The following ESR1 variants were observed in gnomAD, a reference collection of about 807,000 sequenced individuals.
The protein encoded by ESR1 is estrogen receptor.
In ESR1, 12 loss-of-function variants were observed where a neutral mutation model predicts 52.7. The observed-to-expected ratio is 0.23, with a 90% CI of 0.15 to 0.37. The LOEUF (loss-of-function observed/expected upper bound fraction) is 0.37, where lower values mean the gene tolerates loss of function less well. Among genes scored for constraint, ESR1 ranks in the 10% least tolerant of loss-of-function variants. ESR1 has a pLI of 1.00. For missense variants in ESR1, 584 were observed against 779.7 expected (o/e 0.75, Z 2.99); for synonymous variants, 305 against 316.8 (o/e 0.96, Z 0.39).
At position 151,924,187 on chromosome 6, in the gene ESR1, C is replaced by T. The variant is rs960305126; in HGVS notation, c.761-19986C>T. Among the ~76,000 whole-genome samples the T allele has an allele frequency of 3.9e-5, 6 of 152,150 alleles. No individual in the cohort carries two copies. In the East Asian group the frequency reaches 7.8e-4, roughly 20 times the overall value. On this transcript the variant is annotated intron_variant, in intron 3 of 7. Transcript: ENST00000206249. ...GCTCCCAAGTACCTGGGATTACAGG[C>T]GCCTGCCACCATACCCGGCTAATTG... is the stretch of plus-strand genomic sequence containing the variant.
intron 2 of ESR1, among the ~76,000 whole-genome samples, chr6:151,843,264 T>C (rs906140788): frequency 1.3e-5 from 2 of 152,238 alleles, no homozygotes; most frequent in Non-Finnish European, 2.9e-5. Context: ...CCTTTCTCTC[T>C]TCCATCTCTT....
At chr6:151,681,589 TAAAA>T (rs200061676) in intron 1 of ESR1, among the ~76,000 whole-genome samples, 2 of 151,556 alleles carry the variant, frequency 1.3e-5, no homozygotes, top group Admixed American at 6.6e-5. Context: ...AAAGAAAAAA[TAAAA>T]AAAAGCCTCA....
At chr6:151,725,288 A>C (rs1003389691) in intron 2 of ESR1, among the ~76,000 whole-genome samples, 1 of 152,188 alleles carries the variant, frequency 6.6e-6, no homozygotes, top group African/African-American at 2.4e-5. Context: ...TTTGCCAAAC[A>C]TCATTGATGT....
At chr6:152,034,942 T>A (rs934766256) in intron 5 of ESR1, among the ~76,000 whole-genome samples, 1 of 152,240 alleles carries the variant, frequency 6.6e-6, no homozygotes, top group African/African-American at 2.4e-5. Flanking sequence ...GTGATAGATG[T>A]TTGCTAACTA....
chr6:151,889,367 A>G (rs572397041), intron 3 of ESR1, among the ~76,000 whole-genome samples: 3 of 152,110 alleles, frequency 2.0e-5, no homozygotes, highest in East Asian at 1.9e-4. Flanking sequence ...CAGACTTTCT[A>G]TTTCTTCATG....
At chr6:151,857,264 G>T (rs1225774745) in intron 2 of ESR1, among the ~76,000 whole-genome samples, 2 of 152,164 alleles carry the variant, frequency 1.3e-5, no homozygotes, top group East Asian at 1.9e-4. Context: ...TGTTTACAGA[G>T]AATGTACATT....
In ESR1 at chr6:152,061,571, A is replaced by G. The variant is rs1401185191; in HGVS notation, c.1369+447A>G. Among the ~76,000 whole-genome samples, 2 of 152,338 alleles carry G rather than the reference A, an allele frequency of 1.3e-5. No individual in the cohort carries two copies. Among genetic ancestry groups the G allele is most frequent in the East Asian group, 3.9e-4 (2 of 5,192 alleles). On this transcript the variant is annotated intron_variant, in intron 6 of 7. Coordinates refer to ENST00000206249, the MANE Select transcript of ESR1 (RefSeq NM_000125.4). The surrounding 1 kb of genome is among the most constrained non-coding windows in gnomAD (Gnocchi z 4.3). ...TGGTCAAAACTGACTAGCTAAAAAT[A>G]TAGTTGGCTTAGAGATAGAAAAACC...
At chr6:151,910,907 C>T (rs532436052) in intron 3 of ESR1, among the ~76,000 whole-genome samples, 11 of 152,204 alleles carry the variant, frequency 7.2e-5, no homozygotes, top group South Asian at 4.2e-4. Flanking sequence ...TGGATTGCAG[C>T]GGGGATGGTT....
intron 4 of ESR1, among the ~76,000 whole-genome samples, chr6:151,967,458 GT>G (rs1197703281): frequency 6.6e-6 from 1 of 152,128 alleles, no homozygotes; most frequent in South Asian, 2.1e-4. Flanking sequence ...TCCTGAGTTA[GT>G]TTGCTGAGAA....
At chr6:151,808,403 G>T (rs772108808) in intron 1 of ESR1, 39 bp downstream of exon 1, 2 of 345,712 alleles carry the variant, frequency 5.8e-6, no homozygotes, top group Admixed American at 3.9e-5. Context: ...TGGCCGCCGC[G>T]CCCGGCAGGA....
At chr6:152,080,484 A>T (rs1336574886) in intron 6 of ESR1, among the ~76,000 whole-genome samples, 1 of 152,230 alleles carries the variant, frequency 6.6e-6, no homozygotes, top group Non-Finnish European at 1.5e-5. Context: ...GGCCTGCCTT[A>T]GAAGAGCTCC....
intron 2 of ESR1, among the ~76,000 whole-genome samples, chr6:151,844,365 G>T (rs944363264): frequency 6.6e-6 from 1 of 151,980 alleles, no homozygotes; most frequent in African/African-American, 2.4e-5. Flanking sequence ...ATTTAATTTG[G>T]CAGTGAAAGA....
chr6:151,723,955 A>T (rs1781650264), intron 2 of ESR1, among the ~76,000 whole-genome samples: 1 of 152,128 alleles, frequency 6.6e-6, no homozygotes, highest in African/African-American at 2.4e-5. Flanking sequence ...TAAAGGAATG[A>T]AAAAGGCATA....
chr6:152,030,192 AATTG>A (rs912103104), intron 5 of ESR1, among the ~76,000 whole-genome samples: 5 of 152,236 alleles, frequency 3.3e-5, no homozygotes, highest in Non-Finnish European at 7.3e-5. Flanking sequence ...AAAACATGCA[AATTG>A]GAAAGACCAT....
intron 2 of ESR1, among the ~76,000 whole-genome samples, chr6:151,877,143 G>T (rs140648188): frequency 2.6e-5 from 4 of 151,780 alleles, no homozygotes; most frequent in Admixed American, 6.6e-5. Flanking sequence ...TAAGTTTTAG[G>T]GTACATGTGC....
intron 6 of ESR1, among the ~76,000 whole-genome samples, chr6:152,083,604 T>G (rs1019402990): frequency 6.6e-6 from 1 of 152,006 alleles, no homozygotes; most frequent in Non-Finnish European, 1.5e-5. Context: ...AATAGACAAA[T>G]TGGATCTAAT....
intron 1 of ESR1, among the ~76,000 whole-genome samples, chr6:151,684,190 GGAA>G (rs1778567631): frequency 6.6e-6 from 1 of 152,068 alleles, no homozygotes; most frequent in African/African-American, 2.4e-5. Flanking sequence ...TGGGCCATCA[GGAA>G]GGTCTCCATG....
chr6:151,925,251 T>C (rs1038591639), intron 3 of ESR1, among the ~76,000 whole-genome samples: 4 of 152,212 alleles, frequency 2.6e-5, no homozygotes, highest in Non-Finnish European at 5.9e-5. Context: ...CATTTTTTCA[T>C]TTGTTGCCAA....
chr6:152,070,649 A>G (rs907633874), intron 6 of ESR1, among the ~76,000 whole-genome samples: 2 of 138,230 alleles, frequency 1.4e-5, no homozygotes, highest in African/African-American at 3.2e-5. Context: ...GCTCCCTCCA[A>G]CTGCTTCTCT....
Sources: allele counts gnomAD v4.1 joint callset (sites outside exome capture counted in the v4.1 genomes callset), GRCh38; gene constraint gnomAD v4.1.1; non-coding constraint Gnocchi (gnomAD v3.1); transcripts MANE v1.5; gene names NCBI Gene and HGNC (gene_info 2026-07-23, HGNC 2026-07-21).